Variants in DNAH11 observed in about 807,000 individuals in gnomAD.
DNAH11 encodes the protein dynein axonemal heavy chain 11, also known as axonemal beta dynein heavy chain 11.
DNAH11 carries 442 observed loss-of-function variants against 526.0 expected under a neutral mutation model. The ratio of observed to expected loss-of-function variants is 0.84; its 90% CI spans 0.78 to 0.91. The LOEUF (loss-of-function observed/expected upper bound fraction) is 0.91, where lower values mean the gene tolerates loss of function less well. Among genes scored for constraint, DNAH11 ranks in the 40% least tolerant of loss-of-function variants. The probability of loss-of-function intolerance (pLI) is 0.00; values close to 1 mark genes in which losing one functional copy is unlikely to be tolerated. For missense variants in DNAH11, 6,989 were observed against 5,448.7 expected (o/e 1.28, Z -8.90); for synonymous variants, 2,461 against 1,935.9 (o/e 1.27, Z -7.12).
At chr7:21,835,914 T>C (rs1422354255) in intron 65 of DNAH11, among the ~76,000 whole-genome samples, 4 of 149,162 alleles carry the variant, frequency 2.7e-5, no homozygotes, top group African/African-American at 4.9e-5. Context: ...TTCAGTAAAG[T>C]TGTAGGATAC....
At chr7:21,790,303 A>G (rs891005550) in intron 61 of DNAH11, among the ~76,000 whole-genome samples, 2 of 152,064 alleles carry the variant, frequency 1.3e-5, no homozygotes, top group African/African-American at 2.4e-5. Flanking sequence ...AAAGAAATTT[A>G]GCCGGGCGTC....
chr7:21,565,147 T>C (rs1783614343), intron 6 of DNAH11, among the ~76,000 whole-genome samples: 1 of 152,218 alleles, frequency 6.6e-6, no homozygotes, highest in Non-Finnish European at 1.5e-5. Flanking sequence ...CTCACAGTTC[T>C]AGAGGCTGAA....
At position 21,564,191 on chromosome 7, in the gene DNAH11, C is replaced by A; in HGVS notation, c.988C>A (p.Leu330Ile). The change falls in exon 6 of 82, where the codon CTC (leucine) becomes ATC (isoleucine). Residue 330 changes from leucine to isoleucine, a missense_variant. By Grantham distance (5) the Leu-to-Ile change is conservative (BLOSUM62 2). Coordinates refer to ENST00000409508, the MANE Select transcript of DNAH11 (RefSeq NM_001277115.2). ...DIFLAVENALLEAQDVELYLR... is the reference protein window; with the variant it reads ...DIFLAVENALIEAQDVELYLR... ...TGGTGGTTCTTTGCTTTCAGCTCTTCTCGAAGCCCAAGATGTGGAACTTTA... is the reference window on the plus strand; with the variant it reads ...TGGTGGTTCTTTGCTTTCAGCTCTTATCGAAGCCCAAGATGTGGAACTTTA... The A allele has an allele frequency of 6.4e-7, 1 of 1,569,408 alleles. No homozygotes were observed. Among genetic ancestry groups the A allele is most frequent in the Non-Finnish European group, 8.6e-7 (1 of 1,159,850 alleles).
At chr7:21,573,523 T>G (rs1461421573) in intron 8 of DNAH11, among the ~76,000 whole-genome samples, 1 of 152,198 alleles carries the variant, frequency 6.6e-6, no homozygotes, top group Non-Finnish European at 1.5e-5. Flanking sequence ...AAAAAATGTG[T>G]TTTGCCTATC....
intron 31 of DNAH11, among the ~76,000 whole-genome samples, chr7:21,683,507 C>G (rs1236116878): frequency 2.0e-5 from 3 of 148,420 alleles, no homozygotes; most frequent in African/African-American, 5.1e-5. Flanking sequence ...CAAGATTTAT[C>G]TAATCCCCTG....
chr7:21,691,452 G>A (rs1007298511), intron 35 of DNAH11, among the ~76,000 whole-genome samples: 25 of 151,720 alleles, frequency 1.6e-4, no homozygotes, highest in African/African-American at 3.9e-4. Context: ...ACACACATTC[G>A]TTCAAATCTG....
At chr7:21,614,156 A>C (rs958962275) in intron 20 of DNAH11, among the ~76,000 whole-genome samples, 1 of 152,238 alleles carries the variant, frequency 6.6e-6, no homozygotes, top group African/African-American at 2.4e-5. Context: ...TTGAAGGTTG[A>C]TGGAACATAA....
At chr7:21,598,216 T>C (rs1355287077) in intron 14 of DNAH11, among the ~76,000 whole-genome samples, 1 of 152,196 alleles carries the variant, frequency 6.6e-6, no homozygotes, top group African/African-American at 2.4e-5. Flanking sequence ...TCAGCTCTTA[T>C]TCCAATGTCT....
At chr7:21,873,784 C>CTGTTTT (rs1783590687) in intron 74 of DNAH11, among the ~76,000 whole-genome samples, 1 of 70,700 alleles carries the variant, frequency 1.4e-5, no homozygotes, top group Non-Finnish European at 2.3e-5. Context: ...GAGGAGGTTG[C>CTGTTTT]TTTTTTTTTT....
At position 21,852,966 on chromosome 7, in the gene DNAH11, A is replaced by G. The variant is rs1292603801; in HGVS notation, c.11061+335A>G. Among the ~76,000 whole-genome samples the G allele has an allele frequency of 2.6e-5, 4 of 152,300 alleles. No homozygotes were observed. The East Asian group carries it at 7.7e-4, about 29-fold the overall frequency. On this transcript the variant is annotated intron_variant, in intron 67 of 81. Coordinates refer to ENST00000409508, the MANE Select transcript of DNAH11 (RefSeq NM_001277115.2). The stretch of plus-strand genomic sequence containing the variant: ...CTTAGCATCCGGCTCTTCCAAACTC[A>G]TATCCTACAGTTTCTCTGCAGGTTC...
intron 62 of DNAH11, among the ~76,000 whole-genome samples, chr7:21,804,171 C>A (rs1789137772): frequency 6.6e-6 from 1 of 151,998 alleles, no homozygotes; most frequent in Admixed American, 6.6e-5. Context: ...TGCAGTGGCA[C>A]CATCTCGGCT....
rs200603138 is a variant in DNAH11, at chr7:21,816,484, C to G, written c.10350C>G (p.Thr3450=). 2.6e-4 allele frequency: 419 copies of G among 1,607,444 alleles called. 1 individual carries two copies. In the African/African-American group the frequency reaches 5.1e-3, roughly 20 times the overall value. The change falls in exon 64 of 82, where the codon ACC becomes ACG. Residue 3450 remains threonine, a synonymous_variant. Transcript: ENST00000409508. The part of the protein sequence containing the change: ...FLQQKVSIPL[T]EGLDLISMLT... ...TTTTAAAGGTTTCCATTCCACTAAC[C>G]GAAGGCCTGGACTTGATATCCATGT...
chr7:21,690,659 A>G (rs1179691884), intron 34 of DNAH11, 106 bp from the exon 35 acceptor site: 10 of 798,266 alleles, frequency 1.3e-5, no homozygotes, highest in Non-Finnish European at 1.9e-5. Context: ...ATTACACAGA[A>G]TAAACAGCTT....
Position 21,599,906 on chromosome 7 carries a change from C to G in DNAH11, c.2787C>G (p.Phe929Leu), listed in dbSNP as rs552807434. ...FFQAIMHDLD[F>L]FLKNTEKQLK... ...AGGCTATAATGCACGACTTAGACTT[C>G]TTTCTGAAGAATACAGAGAAACAAT... is the stretch of plus-strand genomic sequence containing the variant. Residue 929 changes from phenylalanine to leucine, a missense_variant, in exon 15 of 82, where the codon TTC becomes TTG. Physicochemically the swap from Phe to Leu is conservative, Grantham distance 22. Coordinates refer to ENST00000409508, the MANE Select transcript of DNAH11 (RefSeq NM_001277115.2). 1 of 1,612,430 alleles carries G rather than the reference C, an allele frequency of 6.2e-7. No homozygotes were observed. Among genetic ancestry groups the G allele is most frequent in the African/African-American group, 1.3e-5 (1 of 74,968 alleles).
rs1226550657 is a variant in DNAH11 at position 21,749,748 on chromosome 7, C to T, written c.8744C>T (p.Ala2915Val). 8.7e-6 allele frequency: 14 copies of T among 1,613,826 alleles called. No homozygotes were observed. Among genetic ancestry groups the T allele is most frequent in the East Asian group, 2.2e-5 (1 of 44,896 alleles). The change falls in exon 53 of 82, where the codon GCC becomes GTC. Residue 2915 changes from alanine to valine, a missense_variant. Coordinates refer to ENST00000409508, the MANE Select transcript of DNAH11 (RefSeq NM_001277115.2). ...CCCACTGTGTTCCTGCTGACAGATG[C>T]CCAGGTTCTAGATGAGAGCTTCCTC... is the stretch of plus-strand genomic sequence containing the variant. ...NMPTVFLLTD[A>V]QVLDESFLVL...
Position 21,745,060 on chromosome 7 carries a change from A to C in DNAH11, c.8507A>C (p.His2836Pro). 1 of 1,604,720 alleles carries C rather than the reference A, an allele frequency of 6.2e-7. No homozygotes were observed. Reference sequence around the variant, plus strand: ...GTTTTGTTTGAAGATGCCATGCAACATGTGTGAGTTAACTAGTCACGATGC... The same window carrying C: ...GTTTTGTTTGAAGATGCCATGCAACCTGTGTGAGTTAACTAGTCACGATGC... ...HLVLFEDAMQ[H>P]VCRISRILRT... The change falls in exon 51 of 82, where the codon CAT becomes CCT. Residue 2836 changes from histidine to proline, a missense_variant. His to Pro is a moderately conservative substitution (Grantham distance 77). Coordinates refer to ENST00000409508, the MANE Select transcript of DNAH11 (RefSeq NM_001277115.2).
At chr7:21,735,576 C>T (rs1156947728) in intron 45 of DNAH11, 64 bp from the exon 46 acceptor site, 3 of 1,439,480 alleles carry the variant, frequency 2.1e-6, no homozygotes, top group Non-Finnish European at 2.8e-6. Flanking sequence ...TTTTGGAATG[C>T]CTCTCTCTCG....
Position 21,680,063 on chromosome 7 carries a change from A to C in DNAH11, c.5329-1483A>C, listed in dbSNP as rs1783075645. 2.0e-5 allele frequency among the ~76,000 whole-genome samples: 3 copies of C among 152,178 alleles called. No individual in the cohort carries two copies. The South Asian group carries it at 6.2e-4, about 32-fold the overall frequency. ...AACCTTCTTTGTTCTTATTTCATGGAAATTGCACATGTTACAGTTATCTCT... is the reference window on the plus strand; with the variant it reads ...AACCTTCTTTGTTCTTATTTCATGGCAATTGCACATGTTACAGTTATCTCT... On this transcript the variant is annotated intron_variant, in intron 30 of 81. Transcript: ENST00000409508.
Position 21,774,006 on chromosome 7 carries a change from C to T in DNAH11, c.9336+7C>T. 11 of 1,544,454 alleles carry T rather than the reference C, an allele frequency of 7.1e-6. No homozygotes were observed. The highest frequency in any genetic ancestry group is 1.2e-5 in the South Asian group (1 of 81,422). On this transcript the variant is annotated splice_region_variant and intron_variant, in intron 56 of 81. Transcript: ENST00000409508. ...AAAAACCACAGCCTCTCAGGTATGACCAGGATGTGTTATTACTGAGTAATA... is the reference window on the plus strand; with the variant it reads ...AAAAACCACAGCCTCTCAGGTATGATCAGGATGTGTTATTACTGAGTAATA...
Sources: allele counts gnomAD v4.1 joint callset (sites outside exome capture counted in the v4.1 genomes callset), GRCh38; gene constraint gnomAD v4.1.1; transcripts MANE v1.5; gene names NCBI Gene and HGNC (gene_info 2026-07-23, HGNC 2026-07-21).